PRTG: variants seen among roughly 807,000 people sequenced by gnomAD.
PRTG encodes immunoglobulin superfamily, DCC subclass, member 5.
PRTG carries 67 observed loss-of-function variants against 122.5 expected under a neutral mutation model. The observed-to-expected ratio is 0.55, with a 90% CI of 0.45 to 0.67. The LOEUF is 0.67. Ranked by LOEUF, PRTG falls within the 30% of genes least tolerant of loss-of-function variation. PRTG has a pLI of 0.00. For missense variants in PRTG, 1,435 were observed against 1,415.4 expected, an observed-to-expected ratio of 1.01 and a Z score of -0.22; for synonymous variants, 554 against 501.1, an observed-to-expected ratio of 1.11 and a Z score of -1.41.
At chr15:55,667,823 C>T (rs541772794) in intron 11 of PRTG, among the ~76,000 whole-genome samples, 24 of 152,292 alleles carry the variant, frequency 1.6e-4, no homozygotes, top group Admixed American at 1.0e-3. Context: ...TGGCGGCTCA[C>T]ACCTACCATC....
At chr15:55,631,607 G>A (rs2059227916) in intron 15 of PRTG, among the ~76,000 whole-genome samples, 1 of 152,168 alleles carries the variant, frequency 6.6e-6, no homozygotes, top group African/African-American at 2.4e-5. Flanking sequence ...CTTAATTAGT[G>A]TGATTATTTC....
intron 2 of PRTG, among the ~76,000 whole-genome samples, chr15:55,696,804 T>C (rs2059634374): frequency 6.6e-6 from 1 of 152,234 alleles, no homozygotes; most frequent in Admixed American, 6.5e-5. Flanking sequence ...TGCTTGAATC[T>C]GACAACTCTG....
chr15:55,659,773 G>C (rs761538797), intron 11 of PRTG, among the ~76,000 whole-genome samples: 4 of 151,900 alleles, frequency 2.6e-5, no homozygotes, highest in Non-Finnish European at 5.9e-5. Context: ...CACAAAATTA[G>C]CTGGGCGTAG....
chr15:55,707,731 T>TTAA (rs2030190427), intron 2 of PRTG, among the ~76,000 whole-genome samples: 2 of 152,192 alleles, frequency 1.3e-5, no homozygotes, highest in Admixed American at 6.5e-5. Context: ...GGTTAACTGA[T>TTAA]AGAATCTGCT....
chr15:55,688,227 T>C (rs117606854), intron 2 of PRTG, among the ~76,000 whole-genome samples: 2 of 152,328 alleles, frequency 1.3e-5, no homozygotes, highest in East Asian at 3.9e-4. Context: ...ATCTGCCTTC[T>C]TCCCTATTAT....
rs1368472249 is a variant in PRTG, at chr15:55,616,903, C to T, written c.*3109G>A. ...TCATCTTTACTTACTTACAGGCTAA[C>T]CTATACATCTTAATGGTCTTTGGTA... On this transcript the variant is annotated 3_prime_UTR_variant, in exon 20 of 20. Coordinates refer to ENST00000389286, the MANE Select transcript of PRTG (RefSeq NM_173814.6). The T allele has an allele frequency of 2.0e-5, 3 of 152,038 alleles. No individual in the cohort carries two copies. The highest frequency in any genetic ancestry group is 6.6e-5 in the Admixed American group (1 of 15,256). 9.4% of individuals were successfully genotyped at this position (152,038 alleles called of 1,614,324 possible).
At chr15:55,648,011 T>C (rs2059333704) in intron 11 of PRTG, among the ~76,000 whole-genome samples, 1 of 152,236 alleles carries the variant, frequency 6.6e-6, no homozygotes. Context: ...ACATGGTATA[T>C]ATTCCTTCCA....
At chr15:55,656,668 C>T (rs909317349) in intron 11 of PRTG, among the ~76,000 whole-genome samples, 2 of 152,106 alleles carry the variant, frequency 1.3e-5, no homozygotes, top group Non-Finnish European at 2.9e-5. Context: ...CCACCATGCC[C>T]GGCTAATATT....
intron 2 of PRTG, among the ~76,000 whole-genome samples, chr15:55,692,578 G>T (rs1017907386): frequency 5.9e-5 from 9 of 152,072 alleles, no homozygotes; most frequent in African/African-American, 1.7e-4. Flanking sequence ...CACTGGACAT[G>T]TTAAGGCAAA....
chr15:55,646,479 C>A (rs537303381), intron 11 of PRTG, among the ~76,000 whole-genome samples: 1 of 151,890 alleles, frequency 6.6e-6, no homozygotes, highest in Non-Finnish European at 1.5e-5. Flanking sequence ...CCCGCCACCA[C>A]GCCCGGCCAA....
chr15:55,725,617 GACATACAGAAA>G (rs2031002402), intron 2 of PRTG, among the ~76,000 whole-genome samples: 1 of 151,610 alleles, frequency 6.6e-6, no homozygotes, highest in Non-Finnish European at 1.5e-5. Flanking sequence ...TGGGGTGAAA[GACATACAGAAA>G]ACAAACAGCA....
intron 2 of PRTG, among the ~76,000 whole-genome samples, chr15:55,710,834 G>A (rs1323228573): frequency 6.6e-6 from 1 of 152,068 alleles, no homozygotes; most frequent in African/African-American, 2.4e-5. Flanking sequence ...AAGGAAAAGT[G>A]AAATCTTGTA....
intron 11 of PRTG, among the ~76,000 whole-genome samples, chr15:55,650,623 A>G (rs888864151): frequency 6.6e-6 from 1 of 152,152 alleles, no homozygotes; most frequent in African/African-American, 2.4e-5. Flanking sequence ...TATACATGGA[A>G]GGCAGATGAC....
At chr15:55,668,961 C>A (rs2059453162) in intron 11 of PRTG, among the ~76,000 whole-genome samples, 1 of 152,036 alleles carries the variant, frequency 6.6e-6, no homozygotes, top group African/African-American at 2.4e-5. Context: ...TTTAATATTT[C>A]TTGTTTTAAG....
In PRTG at chr15:55,680,194, A is replaced by C. The variant is rs1294952995; in HGVS notation, c.833T>G (p.Val278Gly). The part of the protein sequence containing the change: ...WSRLDHKSID[V>G]FNTRVLGNGN... ...ATTTCCAAGTACCCGAGTATTAAAG[A>C]CATCAATGGATTTGTGATCTATTTC... The change falls in exon 6 of 20, where the codon GTC becomes GGC. Residue 278 changes from valine (V) to glycine (G), a missense_variant. Transcript: ENST00000389286. 6.2e-6 allele frequency: 10 copies of C among 1,609,664 alleles called. No homozygotes were observed. The highest frequency in any genetic ancestry group is 8.5e-6 in the Non-Finnish European group (10 of 1,176,246).
chr15:55,620,528 C>A (rs1363355279), intron 19 of PRTG, 135 bp downstream of exon 19: 10 of 1,341,744 alleles, frequency 7.5e-6, no homozygotes, highest in East Asian at 2.5e-5. Flanking sequence ...CAGAGCCATG[C>A]CCCAAATTAA....
At position 55,679,487 on chromosome 15, in the gene PRTG, T is replaced by C. The variant is rs148718131; in HGVS notation, c.974-42A>G. ...AAATGAAATATTTCTGTGATCCTAA[T>C]AGGAATGATGTAAAGGGTCAAGGAA... On this transcript the variant is annotated intron_variant, in intron 6 of 19. Transcript: ENST00000389286. The C allele has an allele frequency of 1.2e-4, 174 of 1,494,262 alleles. No homozygotes were observed. In the African/African-American group the frequency reaches 1.3e-3, roughly 12 times the overall value. 92.6% of individuals were successfully genotyped at this position (1,494,262 alleles called of 1,614,324 possible).
In PRTG at chr15:55,616,325, T is replaced by C. The variant is rs902743949; in HGVS notation, c.*3687A>G. On this transcript the variant is annotated 3_prime_UTR_variant, in exon 20 of 20. Coordinates refer to ENST00000389286, the MANE Select transcript of PRTG (RefSeq NM_173814.6). ...AGCATAGCCCACTTAAAGAATGACA[T>C]GATTTGTTTGCCTCTTACATCCTTA... 6.6e-6 allele frequency: 1 copy of C among 152,102 alleles called. No individual in the cohort carries two copies. Among genetic ancestry groups the C allele is most frequent in the Non-Finnish European group, 1.5e-5 (1 of 67,978 alleles). 9.4% of individuals were successfully genotyped at this position (152,102 alleles called of 1,614,324 possible). A position where few individuals can be genotyped will look rare whatever the true frequency, so the allele number is the denominator to read the frequency against.
chr15:55,684,414 G>T (rs1451553379), intron 2 of PRTG, among the ~76,000 whole-genome samples: 1 of 152,130 alleles, frequency 6.6e-6, no homozygotes, highest in Non-Finnish European at 1.5e-5. Flanking sequence ...CAAGTGAAAA[G>T]AATAACATGA....
Sources: allele counts gnomAD v4.1 joint callset (sites outside exome capture counted in the v4.1 genomes callset), GRCh38; gene constraint gnomAD v4.1.1; transcripts MANE v1.5; gene names NCBI Gene and HGNC (gene_info 2026-07-23, HGNC 2026-07-21).